DSTYK: variants seen among roughly 807,000 people sequenced by gnomAD.
DSTYK encodes RIP-homologous kinase.
A neutral mutation model predicts 98.7 loss-of-function variants in DSTYK; 34 were observed. The ratio of observed to expected loss-of-function variants is 0.34; its 90% confidence interval spans 0.26 to 0.46. DSTYK has a LOEUF of 0.46. Ranked by LOEUF, DSTYK falls within the 20% of genes least tolerant of loss-of-function variation. The pLI is 1.00. For synonymous variants in DSTYK, 462 were observed against 457.3 expected (o/e 1.01, Z -0.13); for missense variants, 962 against 1,181.7 (o/e 0.81, Z 2.73).
At chr1:205,181,227 C>T (rs1658387035) in intron 2 of DSTYK, among the ~76,000 whole-genome samples, 1 of 152,312 alleles carries the variant, frequency 6.6e-6, no homozygotes, top group Non-Finnish European at 1.5e-5. Context: ...CCAACAGTAT[C>T]TTCTTGCCCT....
At chr1:205,171,709 A>G (rs913465286) in intron 2 of DSTYK, among the ~76,000 whole-genome samples, 1 of 152,082 alleles carries the variant, frequency 6.6e-6, no homozygotes, top group Non-Finnish European at 1.5e-5. Context: ...ACATATTAAT[A>G]TATTACCACT....
At chr1:205,160,295 A>C (rs1459574812) in intron 7 of DSTYK, 25 bp from the exon 8 acceptor site, 17 of 1,595,956 alleles carry the variant, frequency 1.1e-5, no homozygotes, top group East Asian at 2.2e-5. Flanking sequence ...GACAGAGATA[A>C]GGCAGGAGGA....
chr1:205,172,303 T>G (rs1179510544), intron 2 of DSTYK, among the ~76,000 whole-genome samples: 1 of 146,046 alleles, frequency 6.8e-6, no homozygotes, highest in Non-Finnish European at 1.5e-5. Flanking sequence ...TGTTTGTGGT[T>G]TTTTTTTTTT....
At chr1:205,182,392 A>C (rs1174733885) in intron 2 of DSTYK, among the ~76,000 whole-genome samples, 3 of 151,964 alleles carry the variant, frequency 2.0e-5, no homozygotes, top group African/African-American at 7.3e-5. Context: ...CCCTGTCTCA[A>C]AAATTAAAAA....
rs1312260692 is a variant in DSTYK, at chr1:205,159,573, G to A, written c.2212C>T (p.His738Tyr). Residue 738 changes from histidine (H) to tyrosine (Y), a missense_variant, in exon 9 of 13, where the codon CAC becomes TAC. This residue lies in a region of DSTYK where 660 missense variants were observed against 855.0 expected (regional missense o/e 0.77). Coordinates refer to ENST00000367162, the MANE Select transcript of DSTYK (RefSeq NM_015375.3). ...IAVLLIMERL[H>Y]RDLYTGLKAG... The stretch of plus-strand genomic sequence containing the variant: ...TTCAGCCCTGTGTAGAGATCCCGGT[G>A]TAGCCGCTCCATAATGAGGAGCACA... The A allele has an allele frequency of 2.5e-6, 4 of 1,584,602 alleles. No homozygotes were observed. The highest frequency in any genetic ancestry group is 1.7e-5 in the Admixed American group (1 of 57,470).
chr1:205,167,899 C>G (rs796807311), intron 3 of DSTYK, among the ~76,000 whole-genome samples: 2 of 152,214 alleles, frequency 1.3e-5, no homozygotes, highest in African/African-American at 4.8e-5. Flanking sequence ...ATTACGAGGT[C>G]AAGAACATCC....
At chr1:205,203,872 G>A (rs537766418) in intron 1 of DSTYK, among the ~76,000 whole-genome samples, 1 of 151,728 alleles carries the variant, frequency 6.6e-6, no homozygotes, top group African/African-American at 2.4e-5. Context: ...CTAAGATCAT[G>A]CCACTGCACT....
At chr1:205,164,001 G>A (rs759291931) in intron 3 of DSTYK, 46 bp from the exon 4 acceptor site, 27 of 1,507,118 alleles carry the variant, frequency 1.8e-5, no homozygotes, top group South Asian at 6.8e-5. Flanking sequence ...GGAAGAAGGG[G>A]CAGACACACT....
At chr1:205,155,452 T>A (rs1657529630) in intron 10 of DSTYK, among the ~76,000 whole-genome samples, 1 of 151,666 alleles carries the variant, frequency 6.6e-6, no homozygotes, top group Non-Finnish European at 1.5e-5. Flanking sequence ...GCGGATCACT[T>A]GAGGTCTGGA....
chr1:205,160,338 C>CTTT (rs368449201), intron 7 of DSTYK, 68 bp from the exon 8 acceptor site: 48 of 1,143,108 alleles, frequency 4.2e-5, no homozygotes, highest in South Asian at 6.2e-5. Context: ...CTGTAAGATT[C>CTTT]TTTTTTTTTT....
In DSTYK at chr1:205,187,582, T is replaced by C; in HGVS notation, c.490A>G (p.Ser164Gly). 6.2e-7 allele frequency: 1 copy of C among 1,614,196 alleles called. No individual in the cohort carries two copies. The highest frequency in any genetic ancestry group is 2.2e-5 in the East Asian group (1 of 44,864). The change falls in exon 2 of 13, where the codon AGC becomes GGC. Residue 164 changes from serine to glycine, a missense_variant. Physicochemically the swap from Ser to Gly is moderately conservative, Grantham distance 56. Around this residue, in one of 4 missense-constraint regions of DSTYK, gnomAD observed 660 missense variants for 855.0 expected, o/e 0.77. Coordinates refer to ENST00000367162, the MANE Select transcript of DSTYK (RefSeq NM_015375.3). The stretch of plus-strand genomic sequence containing the variant: ...TCATACTGTCCAGGGAGCGCCAGGC[T>C]GACCCGAGTCTGAGTCCCATAGGTG... Reference protein sequence around the residue: ...RFTYGTQTRVSLALPGQYELV... With the variant: ...RFTYGTQTRVGLALPGQYELV...
At position 205,147,306 on chromosome 1, in the gene DSTYK, A is replaced by G; in HGVS notation, c.*252T>C. ...GTGAAGCCAGAACACCACATTCCTCAGCTTTTACACATCTGAGACACTTTT... is the reference window on the plus strand; with the variant it reads ...GTGAAGCCAGAACACCACATTCCTCGGCTTTTACACATCTGAGACACTTTT... On this transcript the variant is annotated 3_prime_UTR_variant, in exon 13 of 13. Transcript: ENST00000367162. 2.8e-6 allele frequency: 1 copy of G among 359,118 alleles called. No homozygotes were observed. The highest frequency in any genetic ancestry group is 5.1e-6 in the Non-Finnish European group (1 of 195,774). The allele number at this position is 359,118 out of a possible 1,614,324, so 22.2% of individuals were successfully genotyped here.
chr1:205,199,967 A>G (rs902475104), intron 1 of DSTYK, among the ~76,000 whole-genome samples: 1 of 152,194 alleles, frequency 6.6e-6, no homozygotes, highest in Non-Finnish European at 1.5e-5. Context: ...GAGATGATAT[A>G]ATTTTTCCAT....
intron 2 of DSTYK, among the ~76,000 whole-genome samples, chr1:205,183,787 C>T (rs1658488379): frequency 6.6e-6 from 1 of 152,158 alleles, no homozygotes; most frequent in African/African-American, 2.4e-5. Context: ...GCTGATGTAT[C>T]TAACAGAGAC....
intron 3 of DSTYK, among the ~76,000 whole-genome samples, chr1:205,164,414 A>T (rs1433896912): frequency 1.3e-5 from 2 of 152,180 alleles, no homozygotes; most frequent in Non-Finnish European, 2.9e-5. Context: ...CTCAAAAAAA[A>T]AAAATAAATA....
intron 2 of DSTYK, among the ~76,000 whole-genome samples, chr1:205,170,223 C>T (rs1371635630): frequency 2.0e-5 from 3 of 152,058 alleles, no homozygotes; most frequent in Admixed American, 6.6e-5. Flanking sequence ...CGACCTGGGG[C>T]ACTCCTCCCC....
chr1:205,161,962 A>T, intron 6 of DSTYK, 74 bp downstream of exon 6: 1 of 1,467,734 alleles, frequency 6.8e-7, no homozygotes, highest in Non-Finnish European at 9.3e-7. Context: ...TGAAGAGCGG[A>T]GAGCGAAATA....
intron 1 of DSTYK, among the ~76,000 whole-genome samples, chr1:205,195,539 T>C (rs992073043): frequency 1.3e-5 from 2 of 152,230 alleles, no homozygotes. Flanking sequence ...GATGCTTAGG[T>C]AGTCTGGCTT....
At chr1:205,200,937 C>T (rs889352847) in intron 1 of DSTYK, among the ~76,000 whole-genome samples, 1 of 151,520 alleles carries the variant, frequency 6.6e-6, no homozygotes, top group Admixed American at 6.6e-5. Flanking sequence ...CAGAGTTTCA[C>T]TCTTGTTGCC....
Sources: gnomAD v4.1 joint callset for allele counts (sites outside exome capture counted in the v4.1 genomes callset) on GRCh38, gnomAD v4.1.1 for gene constraint, gnomAD v4.1.1 regional missense constraint, MANE v1.5 for transcripts, NCBI Gene and HGNC (gene_info 2026-07-23, HGNC 2026-07-21) for gene names.